Variants in FAM83B observed in about 807,000 individuals in gnomAD.
The protein encoded by FAM83B is protein FAM83B.
Under a neutral mutation model 38.8 loss-of-function variants are expected in FAM83B, and 26 were observed. The ratio of observed to expected loss-of-function variants is 0.67; its 90% CI spans 0.49 to 0.93. The LOEUF is 0.93. Ranked by LOEUF, FAM83B falls within the 40% of genes least tolerant of loss-of-function variation. The probability of loss-of-function intolerance (pLI) is 0.00; values close to 1 mark genes in which losing one functional copy is unlikely to be tolerated. For missense variants in FAM83B, 1,237 were observed against 1,197.3 expected, an observed-to-expected ratio of 1.03 and a Z score of -0.49; for synonymous variants, 419 against 423.1, an observed-to-expected ratio of 0.99 and a Z score of 0.12.
chr6:54,851,091 G>A (rs936423627), intron 1 of FAM83B, among the ~76,000 whole-genome samples: 1 of 151,014 alleles, frequency 6.6e-6, no homozygotes, highest in Non-Finnish European at 1.5e-5. Context: ...AAAGATGAGT[G>A]CAATATAGCT....
rs1194174318 is a variant in FAM83B, at chr6:54,942,368, C to T, written c.*361C>T. Among the ~76,000 whole-genome samples the T allele has an allele frequency of 6.6e-6, 1 of 152,048 alleles. No homozygotes were observed. Among genetic ancestry groups the T allele is most frequent in the Non-Finnish European group, 1.5e-5 (1 of 68,020 alleles). On this transcript the variant is annotated 3_prime_UTR_variant, in exon 5 of 5. Transcript: ENST00000306858. ...TTCCTTTTAAAAAGGTCATACTACC[C>T]TCAGTAACCCTTTATAACATGTGTT...
intron 2 of FAM83B, among the ~76,000 whole-genome samples, chr6:54,904,602 A>G (rs239832): frequency 0.2 from 30,374 of 152,204 alleles, 3,452 homozygotes; most frequent in African/African-American, 0.31. Context: ...ACCTCTGCCC[A>G]TGCCAGTCAT....
intron 1 of FAM83B, among the ~76,000 whole-genome samples, chr6:54,853,560 C>T (rs1292989203): frequency 6.6e-6 from 1 of 152,104 alleles, no homozygotes; most frequent in Non-Finnish European, 1.5e-5. Context: ...GTAAATGGAA[C>T]AACAAAGCTC....
intron 4 of FAM83B, among the ~76,000 whole-genome samples, chr6:54,935,453 T>C (rs992520718): frequency 2.6e-5 from 4 of 152,064 alleles, no homozygotes; most frequent in African/African-American, 9.7e-5. Context: ...GGGGAAGAGA[T>C]ATATTGAAGA....
At chr6:54,910,796 C>A (rs1377610384) in intron 2 of FAM83B, among the ~76,000 whole-genome samples, 1 of 152,156 alleles carries the variant, frequency 6.6e-6, no homozygotes, top group African/African-American at 2.4e-5. Context: ...AAGTTAGATT[C>A]TCGTTTCTGG....
At position 54,940,711 on chromosome 6, in the gene FAM83B, C is replaced by A. The variant is rs371325026; in HGVS notation, c.1740C>A (p.Val580=). 1 of 1,613,946 alleles carries A rather than the reference C, an allele frequency of 6.2e-7. No individual in the cohort carries two copies. The highest frequency in any genetic ancestry group is 2.2e-5 in the East Asian group (1 of 44,844). Residue 580 remains valine, a synonymous_variant, in exon 5 of 5, where the codon GTC becomes GTA. Transcript: ENST00000306858. ...AGGGAAGTGAGACACCTAAAGAGGT[C>A]CCAGACACCCCTACGAATGTACAGC... The part of the protein sequence containing the change: ...GSQGSETPKE[V]PDTPTNVQHL...
chr6:54,894,662 A>C (rs1772488123), intron 2 of FAM83B, among the ~76,000 whole-genome samples: 1 of 152,202 alleles, frequency 6.6e-6, no homozygotes, highest in African/African-American at 2.4e-5. Context: ...TTTTACTGGA[A>C]TAGAATACAA....
intron 4 of FAM83B, among the ~76,000 whole-genome samples, chr6:54,937,647 C>T (rs1773553796): frequency 6.6e-6 from 1 of 152,026 alleles, no homozygotes; most frequent in Admixed American, 6.6e-5. Flanking sequence ...AGCTATGAGA[C>T]ATTGTAGCTA....
rs1773758858 is a variant in FAM83B, at chr6:54,944,197, G to A, written c.*2190G>A. 1 of 152,084 alleles carries A rather than the reference G, an allele frequency of 6.6e-6. No individual in the cohort carries two copies. Among genetic ancestry groups the A allele is most frequent in the Non-Finnish European group, 1.5e-5 (1 of 68,014 alleles). 9.4% of individuals were successfully genotyped at this position (152,084 alleles called of 1,614,324 possible). A position where few individuals can be genotyped will look rare whatever the true frequency, so the allele number is the denominator to read the frequency against. ...GCAAGAATATAATACTTCAAAAAAT[G>A]TACAGCTACTGTTTAAGTTTTAAAC... On this transcript the variant is annotated 3_prime_UTR_variant, in exon 5 of 5. Coordinates refer to ENST00000306858, the MANE Select transcript of FAM83B (RefSeq NM_001010872.3).
At chr6:54,939,078 T>G (rs1430926011) in intron 4 of FAM83B, among the ~76,000 whole-genome samples, 1 of 152,204 alleles carries the variant, frequency 6.6e-6, no homozygotes, top group African/African-American at 2.4e-5. Context: ...CTTCTACATG[T>G]GGCTTGCCAA....
intron 1 of FAM83B, among the ~76,000 whole-genome samples, chr6:54,857,121 C>G (rs1450032811): frequency 1.3e-5 from 2 of 152,124 alleles, no homozygotes; most frequent in Admixed American, 1.3e-4. Flanking sequence ...TTTCTTAAGA[C>G]ATTTTATTTA....
Position 54,941,692 on chromosome 6 carries a change from C to A in FAM83B, c.2721C>A (p.Thr907=), listed in dbSNP as rs767280028. 1 of 1,613,908 alleles carries A rather than the reference C, an allele frequency of 6.2e-7. No homozygotes were observed. Among genetic ancestry groups the A allele is most frequent in the African/African-American group, 1.3e-5 (1 of 74,908 alleles). The change falls in exon 5 of 5, where the codon ACC becomes ACA. Residue 907 remains threonine (T), a synonymous_variant. Coordinates refer to ENST00000306858, the MANE Select transcript of FAM83B (RefSeq NM_001010872.3). ...CAAGGGAGATTAATGCAGTTGTTACCCCTGAAAGAAGACCTACTTCTTCTC... is the reference window on the plus strand; with the variant it reads ...CAAGGGAGATTAATGCAGTTGTTACACCTGAAAGAAGACCTACTTCTTCTC... ...RDSREINAVV[T]PERRPTSSPR... is the part of the protein sequence containing the mutation.
intron 4 of FAM83B, among the ~76,000 whole-genome samples, chr6:54,931,683 G>A (rs1485657651): frequency 6.6e-6 from 1 of 151,534 alleles, no homozygotes; most frequent in Non-Finnish European, 1.5e-5. Context: ...TTTAGCTTAT[G>A]TATGTCCTTA....
At position 54,941,708 on chromosome 6, in the gene FAM83B, A is replaced by AGTT; in HGVS notation, c.2737_2738insGTT (p.Thr913delinsSerSer). The AGTT allele has an allele frequency of 6.2e-6, 10 of 1,614,070 alleles. No homozygotes were observed. The highest frequency in any genetic ancestry group is 8.5e-6 in the Non-Finnish European group (10 of 1,179,966). Reference sequence around the variant, plus strand: ...AGTTGTTACCCCTGAAAGAAGACCTACTTCTTCTCCAAGGCCAACGTCCAG... The same window carrying AGTT: ...AGTTGTTACCCCTGAAAGAAGACCTAGTTCTTCTTCTCCAAGGCCAACGTCCAG... On this transcript the variant is annotated protein_altering_variant, in exon 5 of 5. Transcript: ENST00000306858.
chr6:54,927,418 T>A, intron 3 of FAM83B, 90 bp from the exon 4 acceptor site: 1 of 1,069,892 alleles, frequency 9.3e-7, no homozygotes, highest in Non-Finnish European at 1.3e-6. Context: ...AATTTTTTTA[T>A]ATTAAGATTC....
intron 2 of FAM83B, among the ~76,000 whole-genome samples, chr6:54,873,010 A>G (rs1411061520): frequency 1.4e-5 from 2 of 147,030 alleles, no homozygotes; most frequent in Non-Finnish European, 3.0e-5. Flanking sequence ...TTTTAATTTT[A>G]TTTATTTTAT....
rs1581939871 is a variant in FAM83B at position 54,944,923 on chromosome 6, T to C, written c.*2916T>C. ...ACTTTTCTTTTTTAAGAGATGGGTT[T>C]TCACTAGTATGCCCAGTCTGGACTC... On this transcript the variant is annotated 3_prime_UTR_variant, in exon 5 of 5. Coordinates refer to ENST00000306858, the MANE Select transcript of FAM83B (RefSeq NM_001010872.3). The C allele has an allele frequency of 1.3e-5, 2 of 152,296 alleles. No individual in the cohort carries two copies. Among genetic ancestry groups the C allele is most frequent in the East Asian group, 3.9e-4 (2 of 5,172 alleles). 9.4% of individuals were successfully genotyped at this position (152,296 alleles called of 1,614,324 possible). A position where few individuals can be genotyped will look rare whatever the true frequency, so the allele number is the denominator to read the frequency against.
chr6:54,889,103 C>T (rs1772345112), intron 2 of FAM83B, among the ~76,000 whole-genome samples: 1 of 152,032 alleles, frequency 6.6e-6, no homozygotes, highest in Admixed American at 6.6e-5. Flanking sequence ...CTATAATTCT[C>T]ATTAGTCTAT....
At chr6:54,891,584 A>G (rs1330150236) in intron 2 of FAM83B, among the ~76,000 whole-genome samples, 1 of 152,146 alleles carries the variant, frequency 6.6e-6, no homozygotes, top group Non-Finnish European at 1.5e-5. Context: ...ATGTGATTCT[A>G]GCTGGTGGTC....
Sources: gnomAD v4.1 joint callset for allele counts (sites outside exome capture counted in the v4.1 genomes callset) on GRCh38, gnomAD v4.1.1 for gene constraint, MANE v1.5 for transcripts, NCBI Gene and HGNC (gene_info 2026-07-23, HGNC 2026-07-21) for gene names.